Variants in PTCH1 observed in about 807,000 individuals in gnomAD.
PTCH1 encodes the protein patched 1.
A neutral mutation model predicts 144.6 loss-of-function variants in PTCH1; 14 were observed. The ratio of observed to expected loss-of-function variants is 0.10; its 90% CI spans 0.06 to 0.15. The LOEUF is 0.15. PTCH1 is among the 10% of genes least tolerant of loss of function. The pLI is 1.00. For missense variants in PTCH1, 1,623 were observed against 1,948.3 expected, an observed-to-expected ratio of 0.83 and a Z score of 3.14; for synonymous variants, 833 against 793.6, an observed-to-expected ratio of 1.05 and a Z score of -0.83.
exon 1 of PTCH1, chr9:95,516,849 C>T (rs1369221065): frequency 6.3e-7 from 1 of 1,574,822 alleles, no homozygotes; most frequent in East Asian, 2.3e-5. Context: ...TCTGCCGCGC[C>T]ATAGGCAGGA....
chr9:95,494,373 C>T (rs1842654595), intron 2 of PTCH1: 4 of 985,488 alleles, frequency 4.1e-6, no homozygotes, highest in South Asian at 4.7e-5. Context: ...CCCGAGACGA[C>T]GCTGCATCTG....
intron 5 of PTCH1, among the ~76,000 whole-genome samples, chr9:95,481,247 C>CAAA (rs759428948): frequency 2.6e-5 from 4 of 152,220 alleles, no homozygotes; most frequent in African/African-American, 4.8e-5. Flanking sequence ...CCAGAAAACA[C>CAAA]AAAACCCCTT....
exon 1 of PTCH1, chr9:95,516,580 C>T (rs905721961): frequency 1.5e-5 from 23 of 1,576,844 alleles, no homozygotes; most frequent in Non-Finnish European, 2.0e-5. Context: ...CCTCGTCCTC[C>T]GCTCCTCCGT....
intron 15 of PTCH1, 38 bp downstream of exon 15, chr9:95,467,078 A>G (rs901891774): frequency 2.5e-6 from 4 of 1,603,752 alleles, no homozygotes; most frequent in South Asian, 1.1e-5. Context: ...TGAACACGCA[A>G]AAGACCGAAA....
chr9:95,450,999 T>C (rs1838406483), intron 20 of PTCH1: 1 of 144,596 alleles, frequency 6.9e-6, no homozygotes, highest in Non-Finnish European at 1.6e-5. Context: ...CAGGATGTTC[T>C]GGGAAGGGGG....
chr9:95,499,906 G>T (rs561374811), intron 2 of PTCH1, among the ~76,000 whole-genome samples: 2 of 151,956 alleles, frequency 1.3e-5, no homozygotes, highest in South Asian at 2.1e-4. Flanking sequence ...GCCCAATTGT[G>T]ACTCTCCCCT....
At position 95,447,002 on chromosome 9, in the gene PTCH1, G is replaced by A. The variant is rs1295502837; in HGVS notation, c.4254C>T (p.Val1418=). 6.2e-7 allele frequency: 1 copy of A among 1,614,204 alleles called. No individual in the cohort carries two copies. Among genetic ancestry groups the A allele is most frequent in the Non-Finnish European group, 8.5e-7 (1 of 1,180,034 alleles). ...CCTTCGAATCCCTCCTCTCACACCGGACGTGGAAAGGCACGTGGGGGTCCT... is the reference window on the plus strand; with the variant it reads ...CCTTCGAATCCCTCCTCTCACACCGAACGTGGAAAGGCACGTGGGGGTCCT... The part of the protein sequence containing the change: ...LFEDPHVPFH[V]RCERRDSKVE... Residue 1418 remains valine, a synonymous_variant, in exon 23 of 24, where the codon GTC becomes GTT. Transcript: ENST00000331920.
At chr9:95,473,719 T>C (rs1392179417) in intron 12 of PTCH1, among the ~76,000 whole-genome samples, 1 of 151,904 alleles carries the variant, frequency 6.6e-6, no homozygotes, top group East Asian at 1.9e-4. Flanking sequence ...AAATTTTGTA[T>C]TTTTAGTAGA....
At chr9:95,470,412 T>G (rs1392202047) in intron 12 of PTCH1, among the ~76,000 whole-genome samples, 2 of 152,158 alleles carry the variant, frequency 1.3e-5, no homozygotes, top group Non-Finnish European at 2.9e-5. Context: ...ACGTGTCCCC[T>G]GAGGTTTTAA....
chr9:95,491,979 A>T (rs1357208779), intron 2 of PTCH1, among the ~76,000 whole-genome samples: 1 of 152,232 alleles, frequency 6.6e-6, no homozygotes, highest in Non-Finnish European at 1.5e-5. Flanking sequence ...ACAGGAAATC[A>T]TGTCAATTCA....
At position 95,467,092 on chromosome 9, in the gene PTCH1, C is replaced by T. The variant is rs369066180; in HGVS notation, c.2560+24G>A. Reference sequence around the variant, plus strand: ...CTGAACACGCAAAAGACCGAAAGGACGAGAGCCTCCCACGCCGTCTTACCC... The same window carrying T: ...CTGAACACGCAAAAGACCGAAAGGATGAGAGCCTCCCACGCCGTCTTACCC... On this transcript the variant is annotated intron_variant, in intron 15 of 23. Transcript: ENST00000331920. 41 of 1,612,444 alleles carry T rather than the reference C, an allele frequency of 2.5e-5. No individual in the cohort carries two copies. In the African/African-American group the frequency reaches 4.0e-4, roughly 16 times the overall value.
chr9:95,487,735 T>C (rs564286544), intron 2 of PTCH1, among the ~76,000 whole-genome samples: 2 of 152,364 alleles, frequency 1.3e-5, no homozygotes, highest in East Asian at 1.9e-4. Flanking sequence ...ATCATTCCCA[T>C]TGTTACTGCC....
chr9:95,485,919 A>G, intron 2 of PTCH1, 45 bp from the exon 3 acceptor site: 1 of 1,604,218 alleles, frequency 6.2e-7, no homozygotes, highest in Non-Finnish European at 8.5e-7. Context: ...AAATCACTGC[A>G]AACTCATGTT....
rs771238114 is a variant in PTCH1, at chr9:95,447,243, C to A, written c.4013G>T (p.Arg1338Leu). ...AGAACGGGCCCCGCGAGGGCCCCAG[C>A]GGGCCCTATTGCTAGGGCCAGAATG... ...EGHSGPSNRA[R>L]WGPRGARSHN... Residue 1338 changes from arginine (R) to leucine (L), a missense_variant, in exon 23 of 24, where the codon CGC becomes CTC. Physicochemically the swap from Arg to Leu is moderately radical, Grantham distance 102. This residue lies in a region of PTCH1 where 291 missense variants were observed against 287.4 expected (regional missense o/e 1.01). Transcript: ENST00000331920. 1.2e-6 allele frequency: 2 copies of A among 1,612,636 alleles called. No homozygotes were observed. The highest frequency in any genetic ancestry group is 1.7e-6 in the Non-Finnish European group (2 of 1,179,612).
At chr9:95,468,641 AAT>A in intron 14 of PTCH1, 108 bp downstream of exon 14, 1 of 1,363,766 alleles carries the variant, frequency 7.3e-7, no homozygotes. Context: ...ACTTAAACGA[AAT>A]TTTTTTTTTT....
upstream of PTCH1, among the ~76,000 whole-genome samples, chr9:95,510,346 T>C (rs1844083956): frequency 6.6e-6 from 1 of 152,210 alleles, no homozygotes; most frequent in Non-Finnish European, 1.5e-5. Context: ...GCTGGATTCA[T>C]TGAAAACAAA....
chr9:95,482,482 T>C (rs1841626478), intron 3 of PTCH1: 1 of 487,378 alleles, frequency 2.1e-6, no homozygotes, highest in African/African-American at 1.9e-5. Flanking sequence ...TAATCTTGTT[T>C]ACACCATTAA....
chr9:95,473,728 G>A (rs1279847622), intron 12 of PTCH1, among the ~76,000 whole-genome samples: 1 of 151,658 alleles, frequency 6.6e-6, no homozygotes, highest in Non-Finnish European at 1.5e-5. Context: ...ATTTTTAGTA[G>A]AGACGGGGTT....
chr9:95,509,277 A>C (rs1844016125), upstream of PTCH1, among the ~76,000 whole-genome samples: 1 of 151,928 alleles, frequency 6.6e-6, no homozygotes, highest in Admixed American at 6.5e-5. Flanking sequence ...GGAGGGGGAG[A>C]GAGCGAGCGA....
Sources: allele counts gnomAD v4.1 joint callset (sites outside exome capture counted in the v4.1 genomes callset), GRCh38; gene constraint gnomAD v4.1.1; regional missense constraint gnomAD v4.1.1; transcripts MANE v1.5; gene names NCBI Gene and HGNC (gene_info 2026-07-23, HGNC 2026-07-21).